DMD: variants seen among roughly 807,000 people sequenced by gnomAD.
The protein encoded by DMD is dystrophin, also known as mutant dystrophin.
In DMD, 63 loss-of-function variants were observed where a neutral mutation model predicts 330.1. That is an observed-to-expected ratio of 0.19 (90% CI 0.16 to 0.24). DMD has a LOEUF of 0.24. Ranked by LOEUF, DMD falls within the 10% of genes least tolerant of loss-of-function variation. DMD has a pLI of 1.00. For missense variants in DMD, 3,344 were observed against 2,684.1 expected (o/e 1.25, Z -5.43); for synonymous variants, 1,223 against 959.8 (o/e 1.27, Z -5.07).
intron 1 of DMD, among the ~76,000 whole-genome samples, chrX:33,300,159 CT>C (rs1415691007): frequency 8.9e-6 from 1 of 112,121 alleles, no homozygotes; most frequent in African/African-American, 3.2e-5. Context: ...TTTATCATTG[CT>C]TTTTTGTGGT....
chrX:32,879,546 CA>C (rs758452974), intron 2 of DMD, among the ~76,000 whole-genome samples: 5 of 112,199 alleles, frequency 4.5e-5, no homozygotes, highest in African/African-American at 1.6e-4. Context: ...GTCGTTCATT[CA>C]AAAAATATTT....
At chrX:32,090,489 A>T (rs2096467126) in intron 44 of DMD, among the ~76,000 whole-genome samples, 1 of 111,491 alleles carries the variant, frequency 9.0e-6, no homozygotes. Context: ...CCTTACAGCT[A>T]CTAGAGTGGT....
chrX:32,441,732 T>G (rs183835909), intron 27 of DMD, among the ~76,000 whole-genome samples: 3 of 111,659 alleles, frequency 2.7e-5, no homozygotes, highest in East Asian at 2.8e-4. Context: ...TGAGTTTAAC[T>G]ATAGCTCTCT....
At chrX:31,914,653 C>A (rs2094586467) in intron 47 of DMD, among the ~76,000 whole-genome samples, 1 of 111,819 alleles carries the variant, frequency 8.9e-6, no homozygotes, top group Admixed American at 9.5e-5. Flanking sequence ...CTCATGTTCT[C>A]ACTTATTTGC....
chrX:31,578,196 C>A (rs1028564263), intron 55 of DMD, among the ~76,000 whole-genome samples: 2 of 111,453 alleles, frequency 1.8e-5, no homozygotes, highest in Non-Finnish European at 3.8e-5. Context: ...GATTTATAGG[C>A]TATATGGGGT....
chrX:32,820,796 C>T (rs547023540), intron 5 of DMD, among the ~76,000 whole-genome samples: 30 of 111,730 alleles, frequency 2.7e-4, no homozygotes, highest in African/African-American at 9.1e-4. Context: ...ACTTATGTAG[C>T]GATTTTACAG....
intron 7 of DMD, among the ~76,000 whole-genome samples, chrX:32,771,994 C>G (rs760075445): frequency 8.9e-6 from 1 of 111,862 alleles, no homozygotes; most frequent in African/African-American, 3.2e-5. Context: ...TATGCCATAG[C>G]CAATTCAAGG....
Position 32,781,130 on chromosome X carries a change from A to AC in DMD, c.649+28362_649+28363insG, listed in dbSNP as rs201289886. Among the ~76,000 whole-genome samples the AC allele has an allele frequency of 9.6e-4, 101 of 104,839 alleles. 1 individual carries two copies. Among genetic ancestry groups the AC allele is most frequent in the Admixed American group, 9.1e-3 (88 of 9,619 alleles). The allele number at this position is 104,839 out of a possible 115,157, so 91.0% of individuals were successfully genotyped here. ...GAGCCTCTGTCTCAAAAAAAGAAAA[A>AC]AAAAAAAAAAAAAGGCACTCTTATG... On this transcript the variant is annotated intron_variant, in intron 7 of 78. Transcript: ENST00000357033.
intron 23 of DMD, among the ~76,000 whole-genome samples, chrX:32,465,591 T>G (rs1470189864): frequency 7.2e-5 from 7 of 96,609 alleles, no homozygotes; most frequent in South Asian, 1.0e-3. Context: ...TGTTTTTTTT[T>G]TTTTTTTTTT....
chrX:33,152,677 G>A (rs2048337284), intron 1 of DMD, among the ~76,000 whole-genome samples: 2 of 111,136 alleles, frequency 1.8e-5, no homozygotes, highest in South Asian at 3.8e-4. Flanking sequence ...CTAAGTTCAC[G>A]TATGGAAAAC....
At position 32,644,891 on chromosome X, in the gene DMD, A is replaced by G. The variant is rs754328367; in HGVS notation, c.1149+73T>C. ...CAAAATACAAGGATGTAAGAGAGTA[A>G]TTGAGGAAAAAGGATGACTTGCCAT... On this transcript the variant is annotated intron_variant, in intron 10 of 78. Transcript: ENST00000357033. 8.1e-6 allele frequency: 9 copies of G among 1,115,448 alleles called. No individual in the cohort carries two copies. In the African/African-American group the frequency reaches 1.4e-4, roughly 18 times the overall value. 91.9% of individuals were successfully genotyped at this position (1,115,448 alleles called of 1,213,427 possible). A position where few individuals can be genotyped will look rare whatever the true frequency, so the allele number is the denominator to read the frequency against.
In DMD at chrX:33,183,628, C is replaced by T. The variant is rs184328932; in HGVS notation, c.31+27654G>A. Reference sequence around the variant, plus strand: ...AGCCTCCCAACTTCCTGCCTAGACACCCAACCCTGTGTTCTCATTTCTGTG... The same window carrying T: ...AGCCTCCCAACTTCCTGCCTAGACATCCAACCCTGTGTTCTCATTTCTGTG... On this transcript the variant is annotated intron_variant, in intron 1 of 78. Transcript: ENST00000357033. 8.8e-4 allele frequency among the ~76,000 whole-genome samples: 98 copies of T among 111,426 alleles called. 1 individual carries two copies. The highest frequency in any genetic ancestry group is 4.6e-3 in the Middle Eastern group (1 of 216).
intron 44 of DMD, among the ~76,000 whole-genome samples, chrX:32,153,660 A>T (rs965081846): frequency 7.1e-5 from 8 of 112,164 alleles, no homozygotes; most frequent in Non-Finnish European, 1.3e-4. Flanking sequence ...AGCTTTCCTC[A>T]CAAGACCAAA....
intron 43 of DMD, among the ~76,000 whole-genome samples, chrX:32,252,735 T>TATATAAATATATATAA (rs1569553632): frequency 1.1e-4 from 3 of 27,092 alleles, no homozygotes; most frequent in Non-Finnish European, 1.6e-4. Context: ...AATATATAAA[T>TATATAAATATATATAA]ATATATATAA....
intron 9 of DMD, among the ~76,000 whole-genome samples, chrX:32,679,445 C>G (rs1228049231): frequency 1.8e-5 from 2 of 111,071 alleles, no homozygotes; most frequent in Admixed American, 1.9e-4. Context: ...AATTGTCACC[C>G]AACTCTTTCT....
intron 7 of DMD, among the ~76,000 whole-genome samples, chrX:32,713,077 T>C (rs930831618): frequency 5.4e-5 from 6 of 111,972 alleles, no homozygotes; most frequent in African/African-American, 1.3e-4. Flanking sequence ...TTCCACACCA[T>C]TAAATTATTT....
rs143839100 is a variant in DMD at position 31,501,036 on chromosome X, G to A, written c.8391-4092C>T. On this transcript the variant is annotated intron_variant, in intron 56 of 78. Coordinates refer to ENST00000357033, the MANE Select transcript of DMD (RefSeq NM_004006.3). ...ATATGCAACTTAAGAGTACATTCTTGTAACAAATAGCTGAGCCTCAGCCAA... is the reference window on the plus strand; with the variant it reads ...ATATGCAACTTAAGAGTACATTCTTATAACAAATAGCTGAGCCTCAGCCAA... Among the ~76,000 whole-genome samples the A allele has an allele frequency of 9.2e-3, 1,035 of 112,077 alleles. 17 individuals carry two copies. The highest frequency in any genetic ancestry group is 0.031 in the African/African-American group (970 of 30,898).
At chrX:32,190,495 G>C (rs756188101) in intron 44 of DMD, among the ~76,000 whole-genome samples, 1 of 99,791 alleles carries the variant, frequency 1.0e-5, no homozygotes, top group African/African-American at 3.7e-5. Context: ...CTTGTCAAGA[G>C]TCTCTGTGTT....
intron 60 of DMD, among the ~76,000 whole-genome samples, chrX:31,413,201 G>C (rs978365995): frequency 9.0e-6 from 1 of 111,702 alleles, no homozygotes; most frequent in Non-Finnish European, 1.9e-5. Flanking sequence ...ATCTAATACT[G>C]TATTGCCTCG....
Sources: gnomAD v4.1 joint callset for allele counts (sites outside exome capture counted in the v4.1 genomes callset) on GRCh38, gnomAD v4.1.1 for gene constraint, MANE v1.5 for transcripts, NCBI Gene and HGNC (gene_info 2026-07-23, HGNC 2026-07-21) for gene names.